The following PLPPR1 variants were observed in gnomAD, a reference collection of about 807,000 sequenced individuals.
PLPPR1 encodes phospholipid phosphatase related 1.
PLPPR1 carries 10 observed loss-of-function variants against 33.1 expected under a neutral mutation model. The ratio of observed to expected loss-of-function variants is 0.30; its 90% CI spans 0.19 to 0.51. The LOEUF (loss-of-function observed/expected upper bound fraction) is 0.51. Ranked by LOEUF, PLPPR1 falls within the 20% of genes least tolerant of loss-of-function variation. The pLI, the probability that PLPPR1 is intolerant of heterozygous loss-of-function variation, is 0.97. For missense variants in PLPPR1, 304 were observed against 408.1 expected (o/e 0.74, Z 2.20); for synonymous variants, 151 against 151.0 (o/e 1.00, Z 0.00).
At chr9:101,135,468 T>C (rs2915414) in intron 1 of PLPPR1, among the ~76,000 whole-genome samples, 95,134 of 152,008 alleles carry the variant, frequency 0.63, 31,052 homozygotes, top group Non-Finnish European at 0.73. Flanking sequence ...GGCTAAATGG[T>C]CCAGTTTTGT....
chr9:101,090,059 C>G (rs749391193), intron 1 of PLPPR1, among the ~76,000 whole-genome samples: 8 of 152,100 alleles, frequency 5.3e-5, no homozygotes, highest in Non-Finnish European at 1.0e-4. Flanking sequence ...TCTGGGAGCC[C>G]CAGACATATT....
chr9:101,167,185 T>TGTGTGTGTGTGTGTGTGTGTGTGTGTG (rs1491118695), intron 1 of PLPPR1, among the ~76,000 whole-genome samples: 24 of 68,168 alleles, frequency 3.5e-4, no homozygotes, highest in East Asian at 7.2e-4. Flanking sequence ...TGTGTGTGTC[T>TGTGTGTGTGTGTGTGTGTGTGTGTGTG]TTCTCTCTCT....
At chr9:101,256,615 T>C (rs1166501156) in intron 2 of PLPPR1, among the ~76,000 whole-genome samples, 4 of 152,144 alleles carry the variant, frequency 2.6e-5, no homozygotes, top group African/African-American at 9.7e-5. Flanking sequence ...TTGCTGCTAT[T>C]ATTGTTTGCC....
chr9:101,207,557 C>T (rs1324544913), intron 2 of PLPPR1, among the ~76,000 whole-genome samples: 1 of 152,112 alleles, frequency 6.6e-6, no homozygotes, highest in African/African-American at 2.4e-5. Flanking sequence ...AGTAAGTTGG[C>T]TAGGGCAGAT....
intron 1 of PLPPR1, among the ~76,000 whole-genome samples, chr9:101,172,196 G>A (rs12344900): frequency 0.16 from 24,465 of 151,910 alleles, 2,015 homozygotes; most frequent in Non-Finnish European, 0.19. Flanking sequence ...GCCATGGGTC[G>A]TGCTGTCACA....
At chr9:101,166,011 T>C (rs140663155) in intron 1 of PLPPR1, among the ~76,000 whole-genome samples, 516 of 152,318 alleles carry the variant, frequency 3.4e-3, no homozygotes, top group African/African-American at 0.012. Context: ...CAATCTTTAA[T>C]AAAAGCAAAT....
At chr9:101,191,900 T>A (rs1367564090) in intron 2 of PLPPR1, among the ~76,000 whole-genome samples, 2 of 152,196 alleles carry the variant, frequency 1.3e-5, no homozygotes, top group Non-Finnish European at 2.9e-5. Flanking sequence ...TGTGTACAGG[T>A]CTGACAGTTT....
At chr9:101,041,671 C>T (rs1175340700) in intron 1 of PLPPR1, among the ~76,000 whole-genome samples, 1 of 152,048 alleles carries the variant, frequency 6.6e-6, no homozygotes, top group East Asian at 1.9e-4. Context: ...CTGTGGAGGA[C>T]TTTGGGGCCA....
At chr9:101,153,274 C>T (rs1207189778) in intron 1 of PLPPR1, among the ~76,000 whole-genome samples, 2 of 152,190 alleles carry the variant, frequency 1.3e-5, no homozygotes, top group East Asian at 1.9e-4. Flanking sequence ...AGTTGCTTAT[C>T]AGCTTAAGGA....
chr9:101,091,690 C>G (rs1830744081), intron 1 of PLPPR1, among the ~76,000 whole-genome samples: 1 of 152,154 alleles, frequency 6.6e-6, no homozygotes, highest in Non-Finnish European at 1.5e-5. Flanking sequence ...TTCTGTATAA[C>G]CTAGTATATT....
intron 7 of PLPPR1, chr9:101,322,449 A>G (rs1829172097): frequency 6.6e-6 from 1 of 152,078 alleles, no homozygotes; most frequent in Admixed American, 6.6e-5. Flanking sequence ...ATCTGCTGCT[A>G]AAGTTTCTAT....
intron 1 of PLPPR1, among the ~76,000 whole-genome samples, chr9:101,059,436 G>C (rs1032557946): frequency 6.6e-6 from 1 of 152,070 alleles, no homozygotes. Flanking sequence ...CCAGCCACCT[G>C]TCTGTAAAAG....
At chr9:101,108,884 T>C (rs1435408641) in intron 1 of PLPPR1, among the ~76,000 whole-genome samples, 1 of 152,054 alleles carries the variant, frequency 6.6e-6, no homozygotes, top group African/African-American at 2.4e-5. Flanking sequence ...ATTTTTTCAG[T>C]TTATCAATAT....
At chr9:101,294,116 G>A (rs548611552) in intron 4 of PLPPR1, among the ~76,000 whole-genome samples, 78 of 151,924 alleles carry the variant, frequency 5.1e-4, no homozygotes, top group Non-Finnish European at 9.0e-4. Context: ...ATGATAAAGG[G>A]GATATCACCA....
intron 2 of PLPPR1, among the ~76,000 whole-genome samples, chr9:101,201,135 A>G (rs1205796801): frequency 6.6e-6 from 1 of 152,202 alleles, no homozygotes; most frequent in Non-Finnish European, 1.5e-5. Flanking sequence ...CTCACATGAC[A>G]GGACAAAAGG....
chr9:101,284,550 T>G (rs1398330022), intron 3 of PLPPR1, among the ~76,000 whole-genome samples: 4 of 152,204 alleles, frequency 2.6e-5, no homozygotes, highest in African/African-American at 9.6e-5. Flanking sequence ...ATCATGCATA[T>G]GTTAATTAGC....
intron 2 of PLPPR1, among the ~76,000 whole-genome samples, chr9:101,229,903 C>T (rs1431814366): frequency 6.6e-6 from 1 of 152,134 alleles, no homozygotes. Context: ...CGTGCACTTC[C>T]TCTTGTAAGT....
chr9:101,272,597 T>C (rs890776779), intron 3 of PLPPR1, among the ~76,000 whole-genome samples: 1 of 152,116 alleles, frequency 6.6e-6, no homozygotes, highest in African/African-American at 2.4e-5. Flanking sequence ...CCCTTAATAC[T>C]TAAAAAGATG....
rs761281978 is a variant in PLPPR1 at position 101,286,224 on chromosome 9, A to G, written c.373A>G (p.Ile125Val). Residue 125 changes from isoleucine to valine, a missense_variant, in exon 4 of 8, where the codon ATA becomes GTA. Transcript: ENST00000374874. The part of the protein sequence containing the change: ...CYLNPLLRRI[I>V]RFTGVFAFGL... ...CCTGAACCCCTTACTTCGAAGGATC[A>G]TAAGATTCACAGGTGAGTACAAGAT... is the stretch of plus-strand genomic sequence containing the variant. 19 of 1,613,768 alleles carry G rather than the reference A, an allele frequency of 1.2e-5. No homozygotes were observed. The East Asian group carries it at 3.1e-4, about 26-fold the overall frequency.
Sources: allele counts gnomAD v4.1 joint callset (sites outside exome capture counted in the v4.1 genomes callset), GRCh38; gene constraint gnomAD v4.1.1; transcripts MANE v1.5; gene names NCBI Gene and HGNC (gene_info 2026-07-23, HGNC 2026-07-21).